The following AGRN variants were observed in gnomAD, a reference collection of about 807,000 sequenced individuals.
AGRN encodes agrin.
A neutral mutation model predicts 211.0 loss-of-function variants in AGRN; 106 were observed. The observed-to-expected ratio is 0.50, with a 90% CI of 0.43 to 0.59. The LOEUF is 0.59. AGRN is among the 20% of genes least tolerant of loss of function. The pLI is 0.00. For missense variants in AGRN, 3,040 were observed against 2,982.6 expected, an observed-to-expected ratio of 1.02 and a Z score of -0.45; for synonymous variants, 1,525 against 1,332.5, an observed-to-expected ratio of 1.14 and a Z score of -3.15.
chr1:1,034,320 C>T (rs1380704187), intron 2 of AGRN: 1 of 985,486 alleles, frequency 1.0e-6, no homozygotes, highest in Non-Finnish European at 1.2e-6. Context: ...CCTCGGAGCC[C>T]ACATTTGGGA....
intron 3 of AGRN, among the ~76,000 whole-genome samples, chr1:1,036,016 T>C (rs955221993): frequency 1.3e-5 from 2 of 152,082 alleles, no homozygotes; most frequent in African/African-American, 4.8e-5. Context: ...GGGGGACCGG[T>C]GGCTCCCTCG....
rs769252195 is a variant in AGRN, at chr1:1,048,357, G to A, written c.4097G>A (p.Cys1366Tyr). ...CCGGCAGGCAGGGGAGGCGCCGTCT[G>A]TGAGAAGGGTAAGGATGTCCACTGC... ...SCPAGRGGAVCEKVLGAPVPA... is the reference protein window; with the variant it reads ...SCPAGRGGAVYEKVLGAPVPA... The change falls in exon 23 of 36, where the codon TGT becomes TAT. Residue 1366 changes from cysteine (C) to tyrosine (Y), a missense_variant. Physicochemically the swap from Cys to Tyr is radical, Grantham distance 194. Around this residue, in one of 3 missense-constraint regions of AGRN, gnomAD observed 1,537 missense variants for 1,505.0 expected, o/e 1.02. Transcript: ENST00000379370. This position sits in a 1 kb window ranked among gnomAD's most constrained non-coding sequence, Gnocchi z 5.9. 2 of 1,464,342 alleles carry A rather than the reference G, an allele frequency of 1.4e-6. No homozygotes were observed. Among genetic ancestry groups the A allele is most frequent in the South Asian group, 1.4e-5 (1 of 70,074 alleles). The allele number at this position is 1,464,342 out of a possible 1,614,324, so 90.7% of individuals were successfully genotyped here.
At chr1:1,046,350 T>C (rs747767530) in intron 17 of AGRN, 47 bp from the exon 18 acceptor site, 1 of 1,589,820 alleles carries the variant, frequency 6.3e-7, no homozygotes, top group Non-Finnish European at 8.6e-7. Flanking sequence ...CTGAGCCACC[T>C]GACCCTGTCC....
intron 21 of AGRN, 34 bp from the exon 22 acceptor site, chr1:1,047,742 G>C: frequency 6.2e-7 from 1 of 1,611,868 alleles, no homozygotes; most frequent in Non-Finnish European, 8.5e-7. Flanking sequence ...GGATGCCTGG[G>C]GCTCTGCCAT....
In AGRN at chr1:1,044,368, A is replaced by T. The variant is rs113288277; in HGVS notation, c.2183A>T (p.Glu728Val). The T allele has an allele frequency of 0.037, 60,098 of 1,612,466 alleles. 1,296 individuals are homozygous for T. The highest frequency in any genetic ancestry group is 0.043 in the Non-Finnish European group (50,338 of 1,179,778). ...TCAGATGGGGTCACCTACAGCACCG[A>T]GTGTGAGCTGAAGAAGGCCAGGTGT... is the stretch of plus-strand genomic sequence containing the variant. ...CGSDGVTYSTECELKKARCES... is the reference protein window; with the variant it reads ...CGSDGVTYSTVCELKKARCES... The change falls in exon 12 of 36, where the codon GAG becomes GTG. Residue 728 changes from glutamate to valine, a missense_variant. By Grantham distance (121) the Glu-to-Val change is moderately radical (BLOSUM62 -2). Around this residue, in one of 3 missense-constraint regions of AGRN, gnomAD observed 1,498 missense variants for 1,457.8 expected, o/e 1.03. Transcript: ENST00000379370.
At position 1,020,192 on chromosome 1, in the gene AGRN, C is replaced by T. The variant is rs1389840850; in HGVS notation, c.20C>T (p.Pro7Leu). MAGRSHPGPLRPLLPLL... is the reference protein window; with the variant it reads MAGRSHLGPLRPLLPLL... ...TGCGCCATGGCCGGCCGGTCCCACCCGGGCCCGCTGCGGCCGCTGCTGCCG... is the reference window on the plus strand; with the variant it reads ...TGCGCCATGGCCGGCCGGTCCCACCTGGGCCCGCTGCGGCCGCTGCTGCCG... The change falls in exon 1 of 36, where the codon CCG (proline) becomes CTG (leucine). Residue 7 changes from proline to leucine, a missense_variant. This residue lies in a region of AGRN where 1,498 missense variants were observed against 1,457.8 expected (regional missense o/e 1.03). Coordinates refer to ENST00000379370, the MANE Select transcript of AGRN (RefSeq NM_198576.4). 15 of 1,360,524 alleles carry T rather than the reference C, an allele frequency of 1.1e-5. 1 individual carries two copies. The African/African-American group carries it at 2.1e-4, about 19-fold the overall frequency. 84.3% of individuals were successfully genotyped at this position (1,360,524 alleles called of 1,614,324 possible).
chr1:1,047,263 G>T, intron 19 of AGRN, 64 bp from the exon 20 acceptor site: 1 of 1,541,988 alleles, frequency 6.5e-7, no homozygotes, highest in Admixed American at 2.1e-5. Flanking sequence ...GCTGGGGCCT[G>T]TGCCTGGGCC....
chr1:1,037,180 A>T (rs1201204834), intron 3 of AGRN, among the ~76,000 whole-genome samples: 1 of 152,200 alleles, frequency 6.6e-6, no homozygotes, highest in Non-Finnish European at 1.5e-5. Flanking sequence ...GGCCAGGGCA[A>T]GAACTGCGTT....
rs980154485 is a variant in AGRN at position 1,055,152 on chromosome 1, C to T, written c.*171C>T. On this transcript the variant is annotated 3_prime_UTR_variant, in exon 36 of 36. Transcript: ENST00000379370. ...GACCTAGTGCCGAGGGATGGACAGG[C>T]GAGGTGGCAGCGTGGAGGGCTCGGC... 34 of 1,107,348 alleles carry T rather than the reference C, an allele frequency of 3.1e-5. No individual in the cohort carries two copies. Among genetic ancestry groups the T allele is most frequent in the Non-Finnish European group, 4.3e-5 (33 of 771,428 alleles). The allele number at this position is 1,107,348 out of a possible 1,614,324, so 68.6% of individuals were successfully genotyped here. A position where few individuals can be genotyped will look rare whatever the true frequency, so the allele number is the denominator to read the frequency against.
intron 2 of AGRN, chr1:1,034,811 C>A: frequency 2.7e-6 from 2 of 734,852 alleles, no homozygotes; most frequent in Non-Finnish European, 1.7e-6. Flanking sequence ...GGCAGCTTCC[C>A]GGGGATGGGA....
chr1:1,050,404 A>G, intron 28 of AGRN, 23 bp from the exon 29 acceptor site: 1 of 1,612,336 alleles, frequency 6.2e-7, no homozygotes, highest in Non-Finnish European at 8.5e-7. Context: ...CAGCAAAGAC[A>G]CCCCGACTCC....
intron 3 of AGRN, among the ~76,000 whole-genome samples, chr1:1,036,936 G>T (rs1268123189): frequency 6.6e-6 from 1 of 152,184 alleles, no homozygotes; most frequent in African/African-American, 2.4e-5. Context: ...TGAGGCATTT[G>T]AGGGGACACG....
Position 1,048,413 on chromosome 1 carries a change from GCAAGGATTGGGGGT to G in AGRN, c.4105+49_4105+62del. 6.1e-6 allele frequency: 5 copies of G among 819,454 alleles called. No individual in the cohort carries two copies. The highest frequency in any genetic ancestry group is 1.8e-5 in the South Asian group (1 of 54,134). The allele number at this position is 819,454 out of a possible 1,614,324, so 50.8% of individuals were successfully genotyped here. On this transcript the variant is annotated intron_variant, in intron 23 of 35. Transcript: ENST00000379370. The surrounding 1 kb of genome is among the most constrained non-coding windows in gnomAD (Gnocchi z 5.9). Reference sequence around the variant, plus strand: ...AGGGCGGGGAGGCAGCAGGGTGGGGGCAAGGATTGGGGGTGGGGCTAAGCCACCATCAGGCTTTG... The same window carrying G: ...AGGGCGGGGAGGCAGCAGGGTGGGGGGGGGCTAAGCCACCATCAGGCTTTG...
chr1:1,036,758 T>G (rs1264687381), intron 3 of AGRN, among the ~76,000 whole-genome samples: 1 of 151,946 alleles, frequency 6.6e-6, no homozygotes, highest in Non-Finnish European at 1.5e-5. Flanking sequence ...CAAAGGCTCC[T>G]CAGAGCACCA....
At chr1:1,028,005 C>G (rs922950026) in intron 2 of AGRN, among the ~76,000 whole-genome samples, 3 of 152,196 alleles carry the variant, frequency 2.0e-5, no homozygotes, top group African/African-American at 4.8e-5. Context: ...GTGCCCCCTT[C>G]TCTCCCCAGG....
chr1:1,048,328 C>T lies in AGRN; in HGVS notation c.4068C>T (p.Ser1356=), dbSNP rs1200777078. The T allele has an allele frequency of 6.8e-7, 1 of 1,477,448 alleles. No homozygotes were observed. The highest frequency in any genetic ancestry group is 2.4e-5 in the Admixed American group (1 of 40,892). The allele number at this position is 1,477,448 out of a possible 1,614,324, so 91.5% of individuals were successfully genotyped here. A position where few individuals can be genotyped will look rare whatever the true frequency, so the allele number is the denominator to read the frequency against. The part of the protein sequence containing the change: ...DWALGGGFTC[S]CPAGRGGAVC... ...CATTGGGCGGGGGCTTCACCTGCAGCTGCCCGGCAGGCAGGGGAGGCGCCG... is the reference window on the plus strand; with the variant it reads ...CATTGGGCGGGGGCTTCACCTGCAGTTGCCCGGCAGGCAGGGGAGGCGCCG... The change falls in exon 23 of 36, where the codon AGC becomes AGT. Residue 1356 remains serine (S), a synonymous_variant. Transcript: ENST00000379370. This position sits in a 1 kb window ranked among gnomAD's most constrained non-coding sequence, Gnocchi z 5.9.
At chr1:1,051,166 G>T in intron 30 of AGRN, 87 bp from the exon 31 acceptor site, 1 of 1,501,546 alleles carries the variant, frequency 6.7e-7, no homozygotes. Flanking sequence ...GGCAATGGGC[G>T]GGTGGGGCGG....
At chr1:1,034,986 G>A (rs1397141374) in intron 2 of AGRN, 2 of 553,796 alleles carry the variant, frequency 3.6e-6, no homozygotes, top group South Asian at 2.2e-5. Flanking sequence ...GACCTGCGGT[G>A]GACTCTTCCA....
At chr1:1,053,465 G>C in intron 33 of AGRN, 2 of 1,479,020 alleles carry the variant, frequency 1.4e-6, no homozygotes, top group Non-Finnish European at 9.1e-7. Context: ...TCTAAGCCCC[G>C]AAACTCTGGA....
Sources: allele counts gnomAD v4.1 joint callset (sites outside exome capture counted in the v4.1 genomes callset), GRCh38; gene constraint gnomAD v4.1.1; regional missense constraint gnomAD v4.1.1; non-coding constraint Gnocchi (gnomAD v3.1); transcripts MANE v1.5; gene names NCBI Gene and HGNC (gene_info 2026-07-23, HGNC 2026-07-21).